ANKHD1: variants seen among roughly 807,000 people sequenced by gnomAD.
The protein encoded by ANKHD1 is ankyrin repeat and KH domain containing 1.
ANKHD1 carries 31 observed loss-of-function variants against 230.5 expected under a neutral mutation model. That is an observed-to-expected ratio of 0.13 (90% CI 0.10 to 0.18). ANKHD1 has a LOEUF of 0.18. Ranked by LOEUF, ANKHD1 falls within the 10% of genes least tolerant of loss-of-function variation. ANKHD1 has a pLI of 1.00. For missense variants in ANKHD1, 2,256 were observed against 3,071.3 expected (o/e 0.73, Z 6.27); for synonymous variants, 1,074 against 1,117.6 (o/e 0.96, Z 0.78).
At chr5:140,440,933 T>C (rs539909768) in intron 4 of ANKHD1, 62 bp from the exon 5 acceptor site, 1 of 1,437,184 alleles carries the variant, frequency 7.0e-7, no homozygotes, top group Non-Finnish European at 9.1e-7. Flanking sequence ...CAGTATATTC[T>C]CTAGAAATAC....
chr5:140,524,043 T>G (rs1753488644), intron 24 of ANKHD1, 23 bp from the exon 25 acceptor site: 1 of 1,557,084 alleles, frequency 6.4e-7, no homozygotes, highest in Non-Finnish European at 8.6e-7. Flanking sequence ...ATTGGTAAAA[T>G]TATATACCTG....
At chr5:140,414,541 T>G (rs1046782101) in intron 1 of ANKHD1, among the ~76,000 whole-genome samples, 1 of 152,102 alleles carries the variant, frequency 6.6e-6, no homozygotes, top group African/African-American at 2.4e-5. Flanking sequence ...AAAAAGAAAT[T>G]GTATTGCCGA....
chr5:140,421,218 G>A (rs1771947794), intron 1 of ANKHD1, among the ~76,000 whole-genome samples: 1 of 151,914 alleles, frequency 6.6e-6, no homozygotes, highest in Admixed American at 6.6e-5. Context: ...GAAGAATATG[G>A]ACAGAATTTC....
chr5:140,538,404 G>A (rs1014293617), intron 32 of ANKHD1, 143 bp downstream of exon 32: 19 of 1,386,920 alleles, frequency 1.4e-5, no homozygotes, highest in Middle Eastern at 4.2e-4. Context: ...GGAGTGCACA[G>A]AGTTGTCCAC....
At chr5:140,438,748 G>T in intron 3 of ANKHD1, 131 bp downstream of exon 3, 1 of 1,225,578 alleles carries the variant, frequency 8.2e-7, no homozygotes, top group Non-Finnish European at 1.1e-6. Flanking sequence ...CATTTTAAGT[G>T]GATATATAAA....
At position 140,528,632 on chromosome 5, in the gene ANKHD1, G is replaced by A. The variant is rs1423648540; in HGVS notation, c.5686G>A (p.Val1896Met). The stretch of plus-strand genomic sequence containing the variant: ...ATGGGGACCATTCCCAGTGAGACCT[G>A]TGAATCCTGGCAACACAAATAGCTC... ...NTWGPFPVRP[V>M]NPGNTNSSPK... is the part of the protein sequence containing the mutation. Residue 1896 changes from valine (V) to methionine (M), a missense_variant, in exon 29 of 34, where the codon GTG becomes ATG. Transcript: ENST00000360839. 6.2e-7 allele frequency: 1 copy of A among 1,614,012 alleles called. No homozygotes were observed. Among genetic ancestry groups the A allele is most frequent in the East Asian group, 2.2e-5 (1 of 44,892 alleles).
At chr5:140,505,368 T>C in intron 17 of ANKHD1, 135 bp downstream of exon 17, 3 of 1,093,628 alleles carry the variant, frequency 2.7e-6, no homozygotes, top group Non-Finnish European at 3.9e-6. Context: ...AATATCTGGA[T>C]TCATTATTCT....
chr5:140,487,680 T>C (rs558079222), intron 14 of ANKHD1, among the ~76,000 whole-genome samples: 10 of 152,338 alleles, frequency 6.6e-5, no homozygotes, highest in African/African-American at 1.9e-4. Context: ...AAATGAAATG[T>C]ACCTTCATGT....
At position 140,459,150 on chromosome 5, in the gene ANKHD1, T is replaced by G; in HGVS notation, c.1481-14T>G. The G allele has an allele frequency of 6.4e-7, 1 of 1,555,630 alleles. No homozygotes were observed. Among genetic ancestry groups the G allele is most frequent in the South Asian group, 1.2e-5 (1 of 80,846 alleles). On this transcript the variant is annotated splice_polypyrimidine_tract_variant and intron_variant, in intron 8 of 33. Coordinates refer to ENST00000360839, the MANE Select transcript of ANKHD1 (RefSeq NM_017747.3). ...CTCTTGCAACTAATTTTATCTGTTT[T>G]TATACTTTCCTAGGAGCAAATATAA...
Position 140,486,741 on chromosome 5 carries a change from A to G in ANKHD1, c.2143-217A>G, listed in dbSNP as rs75676366. On this transcript the variant is annotated intron_variant, in intron 13 of 33. Transcript: ENST00000360839. ...CAAGGGAGTAATGTTATTTCCATTT[A>G]GCTTAAAATCATTGACTATTTGTAG... is the stretch of plus-strand genomic sequence containing the variant. 8.0e-4 allele frequency: 281 copies of G among 351,576 alleles called. 2 individuals carry two copies. The East Asian group carries it at 0.013, about 16-fold the overall frequency. 21.8% of individuals were successfully genotyped at this position (351,576 alleles called of 1,614,324 possible).
intron 14 of ANKHD1, among the ~76,000 whole-genome samples, chr5:140,491,126 A>G (rs1298806466): frequency 1.3e-5 from 1 of 78,262 alleles, no homozygotes; most frequent in East Asian, 6.3e-4. Flanking sequence ...ACACATATAT[A>G]TATATATATA....
intron 10 of ANKHD1, among the ~76,000 whole-genome samples, chr5:140,477,663 G>A (rs1169526519): frequency 6.6e-6 from 1 of 152,196 alleles, no homozygotes; most frequent in Non-Finnish European, 1.5e-5. Context: ...CCAGGCTGGA[G>A]TGCAGTGGTG....
At chr5:140,427,142 G>C (rs1450908349) in intron 1 of ANKHD1, among the ~76,000 whole-genome samples, 1 of 150,128 alleles carries the variant, frequency 6.7e-6, no homozygotes, top group Non-Finnish European at 1.5e-5. Flanking sequence ...GGCCGGGCAG[G>C]GGGCTGACCC....
chr5:140,513,314 A>G, intron 23 of ANKHD1, 49 bp from the exon 24 acceptor site: 1 of 1,541,860 alleles, frequency 6.5e-7, no homozygotes, highest in Middle Eastern at 1.9e-4. Flanking sequence ...CTTAAGTTTT[A>G]TTTGGCCTCT....
At chr5:140,427,215 G>C (rs1475909917) in intron 1 of ANKHD1, among the ~76,000 whole-genome samples, 1 of 147,770 alleles carries the variant, frequency 6.8e-6, no homozygotes, top group Non-Finnish European at 1.5e-5. Context: ...TTCCCAGTAG[G>C]GGCGGCCGGG....
intron 15 of ANKHD1, among the ~76,000 whole-genome samples, chr5:140,500,304 A>G (rs924147968): frequency 2.0e-5 from 3 of 152,186 alleles, no homozygotes; most frequent in African/African-American, 7.2e-5. Flanking sequence ...TGGGCTAATT[A>G]TAATAATACT....
At chr5:140,435,144 G>A (rs1262455672) in intron 1 of ANKHD1, among the ~76,000 whole-genome samples, 2 of 152,088 alleles carry the variant, frequency 1.3e-5, no homozygotes, top group African/African-American at 4.8e-5. Flanking sequence ...TAACCTCATG[G>A]AGTGTTCCTG....
intron 1 of ANKHD1, among the ~76,000 whole-genome samples, chr5:140,431,402 A>G (rs1385148415): frequency 1.3e-5 from 2 of 152,244 alleles, no homozygotes; most frequent in Non-Finnish European, 2.9e-5. Context: ...TGATTCTTCC[A>G]CTTTGAAAAG....
At position 140,441,139 on chromosome 5, in the gene ANKHD1, A is replaced by G; in HGVS notation, c.910A>G (p.Thr304Ala). The change falls in exon 5 of 34, where the codon ACA becomes GCA. Residue 304 changes from threonine to alanine, a missense_variant. Thr to Ala is a moderately conservative substitution (Grantham distance 58, BLOSUM62 0). Around this residue, in one of 13 missense-constraint regions of ANKHD1, gnomAD observed 206 missense variants for 304.5 expected, o/e 0.68. Transcript: ENST00000360839. ...TGCTGATGTCAACTCCCAGTCTGCAACAGGTATGTAGAAAATGATGTATTA... is the reference window on the plus strand; with the variant it reads ...TGCTGATGTCAACTCCCAGTCTGCAGCAGGTATGTAGAAAATGATGTATTA... The part of the protein sequence containing the change: ...HDADVNSQSA[T>A]GNTALTYACA... 1 of 1,586,872 alleles carries G rather than the reference A, an allele frequency of 6.3e-7. No individual in the cohort carries two copies. The highest frequency in any genetic ancestry group is 8.6e-7 in the Non-Finnish European group (1 of 1,169,110).
Sources: allele counts gnomAD v4.1 joint callset (sites outside exome capture counted in the v4.1 genomes callset), GRCh38; gene constraint gnomAD v4.1.1; regional missense constraint gnomAD v4.1.1; transcripts MANE v1.5; gene names NCBI Gene and HGNC (gene_info 2026-07-23, HGNC 2026-07-21).